Variants in CTNND2 observed in about 807,000 individuals in gnomAD.
CTNND2 encodes the protein catenin delta 2.
Under a neutral mutation model 144.4 loss-of-function variants are expected in CTNND2, and 22 were observed. That is an observed-to-expected ratio of 0.15 (90% confidence interval 0.11 to 0.22). The LOEUF (loss-of-function observed/expected upper bound fraction) is 0.22. Ranked by LOEUF, CTNND2 falls within the 10% of genes least tolerant of loss-of-function variation. The probability of loss-of-function intolerance (pLI) is 1.00; values close to 1 mark genes in which losing one functional copy is unlikely to be tolerated. For synonymous variants in CTNND2, 751 were observed against 695.6 expected (o/e 1.08, Z -1.25); for missense variants, 1,353 against 1,618.8 (o/e 0.84, Z 2.82).
At chr5:11,722,678 A>G (rs1786755191) in intron 2 of CTNND2, among the ~76,000 whole-genome samples, 1 of 152,186 alleles carries the variant, frequency 6.6e-6, no homozygotes, top group Non-Finnish European at 1.5e-5. Flanking sequence ...TGGGGGCGGA[A>G]AGCCCCTTAT....
At chr5:11,744,219 T>C (rs1788178802) in intron 1 of CTNND2, among the ~76,000 whole-genome samples, 1 of 152,338 alleles carries the variant, frequency 6.6e-6, no homozygotes, top group South Asian at 2.1e-4. Flanking sequence ...CTTAAAAATA[T>C]TATTGAAAAG....
intron 18 of CTNND2, 46 bp downstream of exon 18, chr5:11,017,928 C>G (rs1741801189): frequency 6.8e-7 from 1 of 1,469,748 alleles, no homozygotes; most frequent in Non-Finnish European, 9.5e-7. Context: ...TCTCAGGGTC[C>G]CGTGTTGAGT....
At position 11,082,777 on chromosome 5, in the gene CTNND2, T is replaced by C; in HGVS notation, c.2707A>G (p.Ile903Val). The change falls in exon 16 of 22, where the codon ATA (isoleucine) becomes GTA (valine). Residue 903 changes from isoleucine to valine, a missense_variant. By Grantham distance (29) the Ile-to-Val change is conservative. Transcript: ENST00000304623. ...GCGCACACCACACGGTCATTGTCTA[T>C]TCGGAGCAGCTCCACGAGGATGGGC... ...GLPILVELLR[I>V]DNDRVVCAVA... is the part of the protein sequence containing the mutation. 6.2e-7 allele frequency: 1 copy of C among 1,614,182 alleles called. No homozygotes were observed. The highest frequency in any genetic ancestry group is 8.5e-7 in the Non-Finnish European group (1 of 1,180,028).
intron 17 of CTNND2, among the ~76,000 whole-genome samples, chr5:11,018,954 G>A (rs937906574): frequency 7.2e-5 from 11 of 151,970 alleles, no homozygotes; most frequent in Non-Finnish European, 1.3e-4. Flanking sequence ...TGATCCACCC[G>A]CCTCAGCCTA....
chr5:11,086,838 A>G (rs1750205569), intron 15 of CTNND2, among the ~76,000 whole-genome samples: 1 of 152,228 alleles, frequency 6.6e-6, no homozygotes, highest in Non-Finnish European at 1.5e-5. Flanking sequence ...GATTCTGTGA[A>G]GGCCTATTTG....
At chr5:11,826,681 T>G (rs1793621061) in intron 1 of CTNND2, among the ~76,000 whole-genome samples, 1 of 151,856 alleles carries the variant, frequency 6.6e-6, no homozygotes, top group Non-Finnish European at 1.5e-5. Flanking sequence ...CAAGTACCAT[T>G]CAAAAGAAAT....
rs567307358 is a variant in CTNND2 at position 10,972,115 on chromosome 5, C to T, written c.*1338G>A. ...GAGCAGTTTACATTTTCTGTGGATA[C>T]TTCAAGTAATTGGCCCCAAAGTGAA... is the stretch of plus-strand genomic sequence containing the variant. On this transcript the variant is annotated 3_prime_UTR_variant, in exon 22 of 22. Coordinates refer to ENST00000304623, the MANE Select transcript of CTNND2 (RefSeq NM_001332.4). 2 of 152,626 alleles carry T rather than the reference C, an allele frequency of 1.3e-5. No individual in the cohort carries two copies. Among genetic ancestry groups the T allele is most frequent in the Non-Finnish European group, 2.9e-5 (2 of 68,036 alleles). The allele number at this position is 152,626 out of a possible 1,614,324, so 9.5% of individuals were successfully genotyped here. A position where few individuals can be genotyped will look rare whatever the true frequency, so the allele number is the denominator to read the frequency against.
rs1300292365 is a variant in CTNND2, at chr5:11,034,239, C to T, written c.2789-11260G>A. 4.6e-5 allele frequency among the ~76,000 whole-genome samples: 7 copies of T among 152,204 alleles called. No homozygotes were observed. The East Asian group carries it at 5.8e-4, about 13-fold the overall frequency. ...TTTGTTTCCTCAATTTTTAATAATACGAATTTTTAAGATTTCCAATTCTAG... is the reference window on the plus strand; with the variant it reads ...TTTGTTTCCTCAATTTTTAATAATATGAATTTTTAAGATTTCCAATTCTAG... On this transcript the variant is annotated intron_variant, in intron 16 of 21. Coordinates refer to ENST00000304623, the MANE Select transcript of CTNND2 (RefSeq NM_001332.4).
intron 9 of CTNND2, among the ~76,000 whole-genome samples, chr5:11,268,605 C>T (rs1745691967): frequency 6.6e-6 from 1 of 151,768 alleles, no homozygotes; most frequent in Non-Finnish European, 1.5e-5. Flanking sequence ...CTCTGATACA[C>T]ACAAAAGAAA....
chr5:11,577,157 CT>C (rs1179640610), intron 2 of CTNND2, among the ~76,000 whole-genome samples: 3 of 152,186 alleles, frequency 2.0e-5, no homozygotes, highest in Non-Finnish European at 4.4e-5. Context: ...ACATTATCTT[CT>C]CATCGAAATC....
intron 16 of CTNND2, among the ~76,000 whole-genome samples, chr5:11,051,047 C>T (rs892942644): frequency 5.9e-5 from 9 of 152,202 alleles, no homozygotes; most frequent in African/African-American, 2.2e-4. Flanking sequence ...GAATAGACAG[C>T]CTTTGCTTTT....
intron 3 of CTNND2, among the ~76,000 whole-genome samples, chr5:11,474,883 G>C (rs545233037): frequency 6.6e-6 from 1 of 151,948 alleles, no homozygotes; most frequent in African/African-American, 2.4e-5. Context: ...CTAAGCACCC[G>C]CCCTATGTAC....
chr5:11,214,167 T>C (rs947043207), intron 10 of CTNND2, among the ~76,000 whole-genome samples: 5 of 152,220 alleles, frequency 3.3e-5, no homozygotes, highest in African/African-American at 9.6e-5. Context: ...ATTCAATGGC[T>C]ATAACCTCAA....
chr5:11,424,831 A>C (rs1025506850), intron 3 of CTNND2, among the ~76,000 whole-genome samples: 5 of 152,208 alleles, frequency 3.3e-5, no homozygotes, highest in African/African-American at 1.2e-4. Flanking sequence ...AAAAGAAGGA[A>C]GGAAGATGGA....
chr5:11,823,259 T>C lies in CTNND2; in HGVS notation c.37+80558A>G, dbSNP rs73064645. On this transcript the variant is annotated intron_variant, in intron 1 of 21. Coordinates refer to ENST00000304623, the MANE Select transcript of CTNND2 (RefSeq NM_001332.4). ...GTCTTCCAAAAGACTAATGAAAAGA[T>C]GAAATTAAACAAAACCACTAATGAT... 3.2e-3 allele frequency among the ~76,000 whole-genome samples: 481 copies of C among 152,306 alleles called. 4 individuals carry two copies. The highest frequency in any genetic ancestry group is 0.011 in the African/African-American group (446 of 41,578).
At chr5:11,760,779 G>C (rs1339593343) in intron 1 of CTNND2, among the ~76,000 whole-genome samples, 3 of 118,492 alleles carry the variant, frequency 2.5e-5, no homozygotes, top group Non-Finnish European at 3.5e-5. Flanking sequence ...AAAATAAAAC[G>C]AATACAGCAT....
At chr5:11,118,069 A>T (rs957052126) in intron 12 of CTNND2, among the ~76,000 whole-genome samples, 1 of 152,222 alleles carries the variant, frequency 6.6e-6, no homozygotes, top group Non-Finnish European at 1.5e-5. Flanking sequence ...TTCTGTGACA[A>T]TTTAGTCATT....
At position 11,396,429 on chromosome 5, in the gene CTNND2, T is replaced by C. The variant is rs567232842; in HGVS notation, c.612+602A>G. ...GCTTCTTTTTACCAAGAGTTGGTTT[T>C]AACTGCAGCTAATGTATTTGTGCAG... On this transcript the variant is annotated intron_variant, in intron 6 of 21. Transcript: ENST00000304623. Among the ~76,000 whole-genome samples, 18 of 152,352 alleles carry C rather than the reference T, an allele frequency of 1.2e-4. No individual in the cohort carries two copies. In the South Asian group the frequency reaches 3.7e-3, roughly 32 times the overall value.
At position 11,651,100 on chromosome 5, in the gene CTNND2, G is replaced by A. The variant is rs1377685769; in HGVS notation, c.174+81036C>T. ...TTTGCAGTAGCCCATCCCATTACAGGCCTGGAGGCATAGGCAGGAATAATG... is the reference window on the plus strand; with the variant it reads ...TTTGCAGTAGCCCATCCCATTACAGACCTGGAGGCATAGGCAGGAATAATG... On this transcript the variant is annotated intron_variant, in intron 2 of 21. Coordinates refer to ENST00000304623, the MANE Select transcript of CTNND2 (RefSeq NM_001332.4). Among the ~76,000 whole-genome samples, 3 of 152,160 alleles carry A rather than the reference G, an allele frequency of 2.0e-5. No individual in the cohort carries two copies. In the East Asian group the frequency reaches 5.8e-4, roughly 29 times the overall value.
Sources: allele counts gnomAD v4.1 joint callset (sites outside exome capture counted in the v4.1 genomes callset), GRCh38; gene constraint gnomAD v4.1.1; transcripts MANE v1.5; gene names NCBI Gene and HGNC (gene_info 2026-07-23, HGNC 2026-07-21).